The following CCDC141 variants were observed in gnomAD, a reference collection of about 807,000 sequenced individuals.
The protein encoded by CCDC141 is coiled-coil domain-containing protein 141.
A neutral mutation model predicts 181.0 loss-of-function variants in CCDC141; 168 were observed. The ratio of observed to expected loss-of-function variants is 0.93; its 90% CI spans 0.82 to 1.05. The LOEUF is 1.05. CCDC141 is among the 50% of genes least tolerant of loss of function. The pLI is 0.00. For missense variants in CCDC141, 1,902 were observed against 1,788.5 expected (o/e 1.06, Z -1.14); for synonymous variants, 666 against 642.3 (o/e 1.04, Z -0.56).
At chr2:178,965,866 T>C (rs1218183536) in intron 4 of CCDC141, among the ~76,000 whole-genome samples, 3 of 152,136 alleles carry the variant, frequency 2.0e-5, no homozygotes, top group Admixed American at 1.3e-4. Context: ...TAAGATCCAC[T>C]GGCTTGAAAT....
At chr2:178,972,650 CAGTA>C (rs904469814) in intron 4 of CCDC141, among the ~76,000 whole-genome samples, 1 of 152,146 alleles carries the variant, frequency 6.6e-6, no homozygotes, top group African/African-American at 2.4e-5. Flanking sequence ...GCAACCAGGC[CAGTA>C]AGTAATCCGG....
chr2:178,987,074 AAGGCTACAGTAACCAAAAC>A, intron 2 of CCDC141, among the ~76,000 whole-genome samples: 4 of 148,866 alleles, frequency 2.7e-5, no homozygotes, highest in African/African-American at 1.0e-4. Flanking sequence ...ACTATACTAC[AAGGCTACAGTAACCAAAAC>A]AGCATGGTAC....
At chr2:179,015,943 C>CAT (rs768476821) in intron 2 of CCDC141, among the ~76,000 whole-genome samples, 17 of 137,008 alleles carry the variant, frequency 1.2e-4, no homozygotes, top group African/African-American at 2.6e-4. Flanking sequence ...TCATATATAT[C>CAT]ATATATATCT....
intron 5 of CCDC141, among the ~76,000 whole-genome samples, chr2:178,949,162 T>C (rs1689849263): frequency 6.6e-6 from 1 of 152,060 alleles, no homozygotes. Context: ...AGTGGGACGG[T>C]ATTTAGTCTT....
chr2:178,901,842 G>T (rs1687710275), intron 8 of CCDC141, among the ~76,000 whole-genome samples: 1 of 152,100 alleles, frequency 6.6e-6, no homozygotes, highest in Admixed American at 6.5e-5. Flanking sequence ...CGACATGATT[G>T]TATATCTAGA....
intron 12 of CCDC141, chr2:178,873,203 G>A (rs1686196927): frequency 6.6e-6 from 1 of 152,070 alleles, no homozygotes; most frequent in African/African-American, 2.4e-5. Flanking sequence ...ATATTTTAAA[G>A]ATAGGCCATT....
chr2:178,959,592 T>C (rs956478980), intron 5 of CCDC141, among the ~76,000 whole-genome samples: 3 of 152,204 alleles, frequency 2.0e-5, no homozygotes, highest in African/African-American at 7.2e-5. Context: ...TGGACGATAA[T>C]GCTTTGGGGA....
intron 2 of CCDC141, among the ~76,000 whole-genome samples, chr2:178,983,358 A>C (rs1691538795): frequency 6.6e-6 from 1 of 152,218 alleles, no homozygotes; most frequent in Non-Finnish European, 1.5e-5. Context: ...AACCACGAAG[A>C]GGGGGAAAAA....
rs1338502541 is a variant in CCDC141, at chr2:178,872,245, T to C, written c.1967A>G (p.Gln656Arg). 1.9e-5 allele frequency: 31 copies of C among 1,614,020 alleles called. No homozygotes were observed. The highest frequency in any genetic ancestry group is 2.5e-5 in the Non-Finnish European group (29 of 1,179,982). ...VYLMKNTMENQKAEREELSLL... is the reference protein window; with the variant it reads ...VYLMKNTMENRKAEREELSLL... Reference sequence around the variant, plus strand: ...GCTAAGTTCTTCCCGTTCTGCTTTCTGGTTTTCCATGGTGTTCTTCATGAG... The same window carrying C: ...GCTAAGTTCTTCCCGTTCTGCTTTCCGGTTTTCCATGGTGTTCTTCATGAG... The change falls in exon 13 of 24, where the codon CAG becomes CGG. Residue 656 changes from glutamine to arginine, a missense_variant. Transcript: ENST00000443758.
intron 2 of CCDC141, among the ~76,000 whole-genome samples, chr2:179,016,769 G>A (rs992184093): frequency 6.6e-6 from 1 of 152,058 alleles, no homozygotes; most frequent in Non-Finnish European, 1.5e-5. Flanking sequence ...TGGAAAACAA[G>A]TGGAATTCTG....
intron 5 of CCDC141, 126 bp downstream of exon 5, chr2:178,961,104 A>G (rs1045196937): frequency 1.1e-5 from 11 of 1,009,934 alleles, no homozygotes; most frequent in Non-Finnish European, 1.4e-5. Context: ...TTTGGATGAA[A>G]GCTTTTTGGA....
chr2:178,970,648 A>T (rs1575283645), intron 4 of CCDC141, among the ~76,000 whole-genome samples: 1 of 152,236 alleles, frequency 6.6e-6, no homozygotes, highest in East Asian at 1.9e-4. Flanking sequence ...TAAATGTAAG[A>T]CCTAGGACCA....
intron 3 of CCDC141, among the ~76,000 whole-genome samples, chr2:178,976,972 GTTTACT>G (rs766711544): frequency 7.2e-5 from 11 of 151,952 alleles, no homozygotes; most frequent in Non-Finnish European, 1.5e-5. Context: ...CTAAAGTTCT[GTTTACT>G]TTTATCAGTA....
chr2:178,954,801 G>GA (rs1285868594), intron 5 of CCDC141, among the ~76,000 whole-genome samples: 1 of 148,108 alleles, frequency 6.8e-6, no homozygotes, highest in African/African-American at 2.5e-5. Flanking sequence ...CTTAAAGTAA[G>GA]ACAGAACTGA....
intron 2 of CCDC141, among the ~76,000 whole-genome samples, chr2:179,015,489 T>C (rs868312812): frequency 2.0e-4 from 24 of 122,276 alleles, no homozygotes; most frequent in African/African-American, 4.3e-4. Flanking sequence ...ATATATATCA[T>C]ATATGTGCCA....
chr2:178,872,148 T>C lies in CCDC141; in HGVS notation c.2064A>G (p.Lys688=). ...KPGKQQWAAF[K]EQLKKTSHNL... ...CTTGCCTCACCTTTTTAAGTTGCTC[T>C]TTGAATGCCGCCCACTGCTGTTTTC... Residue 688 remains lysine, a synonymous_variant, in exon 13 of 24, where the codon AAA becomes AAG. Coordinates refer to ENST00000443758, the MANE Select transcript of CCDC141 (RefSeq NM_173648.4). 6.2e-7 allele frequency: 1 copy of C among 1,613,520 alleles called. No individual in the cohort carries two copies. Among genetic ancestry groups the C allele is most frequent in the Non-Finnish European group, 8.5e-7 (1 of 1,179,808 alleles).
intron 2 of CCDC141, among the ~76,000 whole-genome samples, chr2:179,003,886 C>T (rs140972219): frequency 8.0e-4 from 121 of 152,030 alleles, no homozygotes; most frequent in African/African-American, 2.7e-3. Context: ...AGAATAAAAA[C>T]GCAATCATTC....
chr2:178,953,768 T>C (rs577610242), intron 5 of CCDC141, among the ~76,000 whole-genome samples: 1 of 152,348 alleles, frequency 6.6e-6, no homozygotes, highest in African/African-American at 2.4e-5. Flanking sequence ...AAATTATGCA[T>C]TTAAGCTGTT....
chr2:179,017,786 G>A (rs2042585361), intron 2 of CCDC141, among the ~76,000 whole-genome samples: 1 of 151,978 alleles, frequency 6.6e-6, no homozygotes, highest in Admixed American at 6.6e-5. Flanking sequence ...GTTGTTTAAG[G>A]GAACAAAATG....
Sources: gnomAD v4.1 joint callset for allele counts (sites outside exome capture counted in the v4.1 genomes callset) on GRCh38, gnomAD v4.1.1 for gene constraint, MANE v1.5 for transcripts, NCBI Gene and HGNC (gene_info 2026-07-23, HGNC 2026-07-21) for gene names.